Variants in ARHGEF10 observed in about 807,000 individuals in gnomAD.
ARHGEF10 encodes Rho guanine nucleotide exchange factor (GEF) 10.
Under a neutral mutation model 147.4 loss-of-function variants are expected in ARHGEF10, and 140 were observed. The observed-to-expected ratio is 0.95, with a 90% CI of 0.83 to 1.09. ARHGEF10 has a LOEUF of 1.09. Among genes scored for constraint, ARHGEF10 ranks in the 50% least tolerant of loss-of-function variants. The probability of loss-of-function intolerance (pLI) is 0.00; values close to 1 mark genes in which losing one functional copy is unlikely to be tolerated. For synonymous variants in ARHGEF10, 902 were observed against 695.8 expected (o/e 1.30, Z -4.67); for missense variants, 2,222 against 1,752.7 (o/e 1.27, Z -4.78).
Position 1,857,981 on chromosome 8 carries a change from C to G in ARHGEF10, c.59C>G (p.Thr20Ser), listed in dbSNP as rs759162890. The change falls in exon 3 of 29, where the codon ACC becomes AGC. Residue 20 changes from threonine (T) to serine (S), a missense_variant. Thr to Ser is a moderately conservative substitution (Grantham distance 58, BLOSUM62 1). Transcript: ENST00000349830. ...APAENEMKYD[T>S]NNNEEEEGEQ... ...TTAGAAAATGAAATGAAATATGATA[C>G]CAATAATAATGAAGAGGAAGAGGGA... 8.1e-6 allele frequency: 13 copies of G among 1,613,594 alleles called. No individual in the cohort carries two copies. The African/African-American group carries it at 1.6e-4, about 20-fold the overall frequency.
intron 14 of ARHGEF10, 64 bp from the exon 15 acceptor site, chr8:1,898,369 G>A: frequency 6.9e-7 from 1 of 1,443,692 alleles, no homozygotes; most frequent in Non-Finnish European, 9.7e-7. Context: ...GGAGGAGGCG[G>A]CCCCAGGGGC....
intron 17 of ARHGEF10, 111 bp from the exon 18 acceptor site, chr8:1,909,184 G>T: frequency 1.4e-6 from 2 of 1,428,072 alleles, no homozygotes; most frequent in South Asian, 1.2e-5. Flanking sequence ...AAAGTCTGAA[G>T]AGTTACAATT....
intron 11 of ARHGEF10, among the ~76,000 whole-genome samples, chr8:1,888,321 T>C (rs1808957624): frequency 1.0e-5 from 1 of 99,862 alleles, no homozygotes; most frequent in Non-Finnish European, 2.1e-5. Flanking sequence ...ATATGCTGAG[T>C]GGGATGTTGA....
chr8:1,826,086 C>A (rs551830162), intron 1 of ARHGEF10: 1 of 1,591,714 alleles, frequency 6.3e-7, no homozygotes, highest in South Asian at 1.1e-5. Context: ...TCGGCAGTTA[C>A]GGATGCATAA....
At chr8:1,841,545 G>A (rs1318461230) in intron 1 of ARHGEF10, among the ~76,000 whole-genome samples, 2 of 152,152 alleles carry the variant, frequency 1.3e-5, no homozygotes, top group African/African-American at 4.8e-5. Flanking sequence ...CCCAGCTACC[G>A]GGGGCCACAG....
In ARHGEF10 at chr8:1,864,223, A is replaced by G. The variant is rs1806388673; in HGVS notation, c.482-150A>G. The G allele has an allele frequency of 1.4e-5, 11 of 768,198 alleles. No individual in the cohort carries two copies. In the South Asian group the frequency reaches 1.6e-4, roughly 11 times the overall value. The allele number at this position is 768,198 out of a possible 1,614,324, so 47.6% of individuals were successfully genotyped here. ...CTTGAATACATTTTATCTAAGAGCT[A>G]AAAATTTTTAAGTTTATTAATCACC... On this transcript the variant is annotated intron_variant, in intron 4 of 28. Coordinates refer to ENST00000349830, the MANE Select transcript of ARHGEF10 (RefSeq NM_014629.4).
At chr8:1,873,687 CATT>C (rs1807375527) in intron 7 of ARHGEF10, among the ~76,000 whole-genome samples, 1 of 139,512 alleles carries the variant, frequency 7.2e-6, no homozygotes, top group African/African-American at 2.6e-5. Flanking sequence ...TTCCTCGTTT[CATT>C]GAGCGGTGCC....
At chr8:1,882,175 G>C (rs1250985812) in intron 9 of ARHGEF10, among the ~76,000 whole-genome samples, 3 of 152,222 alleles carry the variant, frequency 2.0e-5, no homozygotes, top group African/African-American at 7.2e-5. Flanking sequence ...AGCTGGGTCC[G>C]TGTAACCATG....
At chr8:1,946,405 C>T (rs1233532854) in intron 27 of ARHGEF10, among the ~76,000 whole-genome samples, 5 of 152,230 alleles carry the variant, frequency 3.3e-5, no homozygotes, top group Admixed American at 6.5e-5. Flanking sequence ...GAGGCTGCCC[C>T]TCCGCGTTCT....
intron 11 of ARHGEF10, among the ~76,000 whole-genome samples, chr8:1,887,420 G>C (rs990356969): frequency 6.8e-6 from 1 of 147,760 alleles, no homozygotes; most frequent in African/African-American, 2.7e-5. Context: ...CAGACCCTGA[G>C]TGGGGTGTGA....
At chr8:1,826,074 C>T (rs1161956400) in intron 1 of ARHGEF10, 5 of 1,587,274 alleles carry the variant, frequency 3.2e-6, no homozygotes, top group Middle Eastern at 1.6e-4. Context: ...TAGCAGCCAA[C>T]ATCGGCAGTT....
At chr8:1,828,245 C>G (rs910238670) in intron 1 of ARHGEF10, among the ~76,000 whole-genome samples, 4 of 152,218 alleles carry the variant, frequency 2.6e-5, no homozygotes, top group African/African-American at 9.6e-5. Context: ...GGCTTGTTGT[C>G]CAGCTGTGGG....
chr8:1,920,134 G>GGGTGATGGAGCTGTTCTGTGGGTGA, intron 18 of ARHGEF10, among the ~76,000 whole-genome samples: 1 of 150,660 alleles, frequency 6.6e-6, no homozygotes, highest in Non-Finnish European at 1.5e-5. Context: ...GCTGTTCTGT[G>GGGTGATGGAGCTGTTCTGTGGGTGA]TGCCCTGGAG....
At chr8:1,905,022 G>A (rs369718446) in intron 16 of ARHGEF10, among the ~76,000 whole-genome samples, 37 of 152,308 alleles carry the variant, frequency 2.4e-4, no homozygotes, top group Middle Eastern at 3.4e-3. Context: ...CCAGCTACTC[G>A]AGAGGCTGAG....
At chr8:1,919,241 C>T (rs1381416073) in intron 18 of ARHGEF10, among the ~76,000 whole-genome samples, 8 of 103,658 alleles carry the variant, frequency 7.7e-5, no homozygotes, top group Admixed American at 3.3e-4. Context: ...GCTGTTCTGT[C>T]GAGTGATGGA....
intron 21 of ARHGEF10, among the ~76,000 whole-genome samples, chr8:1,924,796 G>C (rs1325237550): frequency 2.0e-5 from 3 of 152,214 alleles, no homozygotes; most frequent in African/African-American, 7.2e-5. Context: ...CTTCAGATCA[G>C]CTATATATTC....
At chr8:1,907,543 C>T (rs34347680) in intron 17 of ARHGEF10, among the ~76,000 whole-genome samples, 12,060 of 152,264 alleles carry the variant, frequency 0.079, 598 homozygotes, top group Admixed American at 0.14. Flanking sequence ...CAGAACCCCT[C>T]AGGCTGCTGT....
At chr8:1,939,708 C>T (rs1813923481) in intron 26 of ARHGEF10, among the ~76,000 whole-genome samples, 1 of 152,236 alleles carries the variant, frequency 6.6e-6, no homozygotes, top group Admixed American at 6.5e-5. Flanking sequence ...ATGCATCAGG[C>T]TTCGAGACTA....
chr8:1,902,013 G>A (rs1055535057), intron 15 of ARHGEF10, among the ~76,000 whole-genome samples: 1 of 152,006 alleles, frequency 6.6e-6, no homozygotes. Context: ...CTAAGTTCTG[G>A]GATATGTGTG....
Sources: gnomAD v4.1 joint callset for allele counts (sites outside exome capture counted in the v4.1 genomes callset) on GRCh38, gnomAD v4.1.1 for gene constraint, MANE v1.5 for transcripts, NCBI Gene and HGNC (gene_info 2026-07-23, HGNC 2026-07-21) for gene names.